LMBRD1: variants seen among roughly 807,000 people sequenced by gnomAD.
LMBRD1 encodes LMBR1 domain containing 1, also known as lysosomal cobalamin transport escort protein LMBD1.
A neutral mutation model predicts 74.8 loss-of-function variants in LMBRD1; 64 were observed. The ratio of observed to expected loss-of-function variants is 0.86; its 90% confidence interval spans 0.70 to 1.05. The LOEUF (loss-of-function observed/expected upper bound fraction) is 1.05. Ranked by LOEUF, LMBRD1 falls within the 50% of genes least tolerant of loss-of-function variation. The probability of loss-of-function intolerance (pLI) is 0.00; values close to 1 mark genes in which losing one functional copy is unlikely to be tolerated. For missense variants in LMBRD1, 652 were observed against 645.9 expected (o/e 1.01, Z -0.10); for synonymous variants, 204 against 216.3 (o/e 0.94, Z 0.50).
rs550055409 is a variant in LMBRD1 at position 69,789,872 on chromosome 6, G to T, written c.246+424C>A. Among the ~76,000 whole-genome samples, 307 of 152,292 alleles carry T rather than the reference G, an allele frequency of 2.0e-3. 3 individuals are homozygous for T. Among genetic ancestry groups the T allele is most frequent in the Non-Finnish European group, 3.2e-3 (219 of 68,020 alleles). Reference sequence around the variant, plus strand: ...AAAGGTCCACAGCTAGACAGTTAAGGGTCAAGACTAGAACTCAGATCTTAT... The same window carrying T: ...AAAGGTCCACAGCTAGACAGTTAAGTGTCAAGACTAGAACTCAGATCTTAT... On this transcript the variant is annotated intron_variant, in intron 2 of 15. Transcript: ENST00000649934.
At chr6:69,736,074 C>T (rs1198334922) in intron 7 of LMBRD1, among the ~76,000 whole-genome samples, 1 of 152,186 alleles carries the variant, frequency 6.6e-6, no homozygotes, top group African/African-American at 2.4e-5. Flanking sequence ...GCCTCTACTA[C>T]TGTCTATCTA....
intron 7 of LMBRD1, among the ~76,000 whole-genome samples, chr6:69,736,906 C>A (rs1766989421): frequency 6.6e-6 from 1 of 152,062 alleles, no homozygotes; most frequent in Non-Finnish European, 1.5e-5. Context: ...AGGATAATCA[C>A]CCAATGATAT....
intron 14 of LMBRD1, among the ~76,000 whole-genome samples, chr6:69,688,513 G>T (rs1044248456): frequency 2.6e-5 from 4 of 151,606 alleles, no homozygotes; most frequent in Non-Finnish European, 4.4e-5. Flanking sequence ...CATATTCTGG[G>T]AAAAGACGGT....
At chr6:69,732,704 T>G (rs1393198533) in intron 7 of LMBRD1, among the ~76,000 whole-genome samples, 2 of 152,328 alleles carry the variant, frequency 1.3e-5, no homozygotes, top group Non-Finnish European at 2.9e-5. Context: ...ATCATAAATA[T>G]CCTGGTGGAC....
chr6:69,691,371 A>G (rs1027722064), intron 14 of LMBRD1, among the ~76,000 whole-genome samples: 5 of 152,070 alleles, frequency 3.3e-5, no homozygotes, highest in African/African-American at 1.2e-4. Flanking sequence ...GACCTTTCTA[A>G]AGTTTTTTCT....
At chr6:69,691,598 C>T (rs1417058105) in intron 14 of LMBRD1, among the ~76,000 whole-genome samples, 1 of 151,796 alleles carries the variant, frequency 6.6e-6, no homozygotes, top group African/African-American at 2.4e-5. Flanking sequence ...AAGCTTGGGC[C>T]GGGCACGTTG....
intron 9 of LMBRD1, chr6:69,705,956 CT>C: frequency 1.9e-6 from 2 of 1,056,232 alleles, no homozygotes; most frequent in Non-Finnish European, 2.9e-6. Flanking sequence ...ATTGGACTGC[CT>C]TTGTAATACA....
At position 69,752,216 on chromosome 6, in the gene LMBRD1, T is replaced by C. The variant is rs770369105; in HGVS notation, c.405+43A>G. 4.0e-5 allele frequency: 63 copies of C among 1,572,860 alleles called. 1 individual carries two copies. The South Asian group carries it at 6.6e-4, about 17-fold the overall frequency. On this transcript the variant is annotated intron_variant, in intron 4 of 15. Transcript: ENST00000649934. ...TTCTCTGAAAAAGCAGGTAATATTATTTTTCTTTCCTAAACTAAGGCCTCT... is the reference window on the plus strand; with the variant it reads ...TTCTCTGAAAAAGCAGGTAATATTACTTTTCTTTCCTAAACTAAGGCCTCT...
At chr6:69,765,807 G>A (rs1191234225) in intron 3 of LMBRD1, among the ~76,000 whole-genome samples, 2 of 152,042 alleles carry the variant, frequency 1.3e-5, no homozygotes. Context: ...CAATTTTTCT[G>A]TAGTTTTCAG....
At chr6:69,701,641 T>C (rs1019380464) in intron 10 of LMBRD1, 96 bp from the exon 11 acceptor site, 7 of 762,716 alleles carry the variant, frequency 9.2e-6, no homozygotes, top group East Asian at 8.1e-5. Context: ...TACACCTGAG[T>C]CAAAGAAAAC....
At chr6:69,698,258 T>C (rs1338302481) in intron 13 of LMBRD1, among the ~76,000 whole-genome samples, 2 of 151,962 alleles carry the variant, frequency 1.3e-5, no homozygotes, top group Non-Finnish European at 2.9e-5. Context: ...TGAGGGTTGA[T>C]AGGTTCGTTA....
At chr6:69,711,614 G>A (rs73745757) in intron 9 of LMBRD1, among the ~76,000 whole-genome samples, 3,088 of 152,050 alleles carry the variant, frequency 0.02, 111 homozygotes, top group African/African-American at 0.07. Flanking sequence ...AAAAAAAACT[G>A]GGATGAATTT....
chr6:69,723,320 C>A (rs1766657985), intron 7 of LMBRD1, among the ~76,000 whole-genome samples: 1 of 152,092 alleles, frequency 6.6e-6, no homozygotes, highest in African/African-American at 2.4e-5. Context: ...AATAAATGGA[C>A]CTAATAGACA....
chr6:69,736,360 T>C (rs1766977202), intron 7 of LMBRD1, among the ~76,000 whole-genome samples: 1 of 152,286 alleles, frequency 6.6e-6, no homozygotes, highest in African/African-American at 2.4e-5. Flanking sequence ...AGGGTTCCTC[T>C]TCTACAATAC....
intron 6 of LMBRD1, among the ~76,000 whole-genome samples, chr6:69,738,995 C>A (rs1562106518): frequency 6.6e-6 from 1 of 152,022 alleles, no homozygotes; most frequent in Non-Finnish European, 1.5e-5. Flanking sequence ...TCACGCAAGG[C>A]AAATTTTTAA....
chr6:69,780,480 T>C lies in LMBRD1; in HGVS notation c.307+14A>G, dbSNP rs1765806258. On this transcript the variant is annotated intron_variant, in intron 3 of 15. Transcript: ENST00000649934. ...TAGCAGTCCAAATAGGGAAAGAAAC[T>C]GAAAGATACTTACTATAGTAACCGT... The C allele has an allele frequency of 6.3e-7, 1 of 1,593,946 alleles. No individual in the cohort carries two copies. Among genetic ancestry groups the C allele is most frequent in the South Asian group, 1.1e-5 (1 of 90,728 alleles).
chr6:69,722,211 G>A (rs1170720958), intron 7 of LMBRD1, among the ~76,000 whole-genome samples: 3 of 152,210 alleles, frequency 2.0e-5, no homozygotes, highest in East Asian at 3.9e-4. Context: ...CTTCAAGTAT[G>A]AAAGATAAAG....
At chr6:69,769,821 G>C (rs1338700143) in intron 3 of LMBRD1, among the ~76,000 whole-genome samples, 1 of 151,594 alleles carries the variant, frequency 6.6e-6, no homozygotes, top group East Asian at 1.9e-4. Flanking sequence ...TGGCTTCCTA[G>C]GGATTGCTCC....
rs1272206945 is a variant in LMBRD1 at position 69,705,787 on chromosome 6, C to T, written c.916-3834G>A. ...TTCACATCCTCCTCCTCTTCATCTA[C>T]TGACTGCATCTTCCTCCACTGCTAC... On this transcript the variant is annotated intron_variant, in intron 9 of 15. Transcript: ENST00000649934. 3.4e-6 allele frequency: 4 copies of T among 1,172,910 alleles called. No homozygotes were observed. In the Admixed American group the frequency reaches 6.8e-5, roughly 20 times the overall value. 72.7% of individuals were successfully genotyped at this position (1,172,910 alleles called of 1,614,324 possible).
Sources: allele counts gnomAD v4.1 joint callset (sites outside exome capture counted in the v4.1 genomes callset), GRCh38; gene constraint gnomAD v4.1.1; transcripts MANE v1.5; gene names NCBI Gene and HGNC (gene_info 2026-07-23, HGNC 2026-07-21).